Variants in SLC8A1 observed in about 807,000 individuals in gnomAD.
SLC8A1 encodes solute carrier family 8 member A1.
SLC8A1 carries 18 observed loss-of-function variants against 68.3 expected under a neutral mutation model. The observed-to-expected ratio is 0.26, with a 90% CI of 0.18 to 0.39. The LOEUF is 0.39. Among genes scored for constraint, SLC8A1 ranks in the 10% least tolerant of loss-of-function variants. SLC8A1 has a pLI of 1.00. For missense variants in SLC8A1, 985 were observed against 1,156.7 expected (o/e 0.85, Z 2.15); for synonymous variants, 475 against 415.5 (o/e 1.14, Z -1.74).
At chr2:40,142,187 C>G (rs987732697) in intron 6 of SLC8A1, among the ~76,000 whole-genome samples, 5 of 151,840 alleles carry the variant, frequency 3.3e-5, no homozygotes, top group Non-Finnish European at 7.4e-5. Context: ...TTTTTTCTTT[C>G]TTTTACTTTC....
chr2:40,511,742 C>A (rs1312962546), intron 1 of SLC8A1, among the ~76,000 whole-genome samples: 3 of 152,158 alleles, frequency 2.0e-5, no homozygotes, highest in Non-Finnish European at 4.4e-5. Context: ...CCAGGGCTCA[C>A]AGCTGGTTTC....
chr2:40,363,986 A>G (rs1047772253), intron 2 of SLC8A1, among the ~76,000 whole-genome samples: 1 of 152,058 alleles, frequency 6.6e-6, no homozygotes, highest in Non-Finnish European at 1.5e-5. Context: ...AGTAGTCTAA[A>G]AAAAGGGCTA....
chr2:40,222,471 G>C (rs1354680197), intron 2 of SLC8A1, among the ~76,000 whole-genome samples: 1 of 152,160 alleles, frequency 6.6e-6, no homozygotes, highest in Admixed American at 6.5e-5. Context: ...CATGGGCAAA[G>C]ACTTCATGAC....
intron 1 of SLC8A1, among the ~76,000 whole-genome samples, chr2:40,497,294 A>G (rs1705772920): frequency 6.6e-6 from 1 of 152,058 alleles, no homozygotes; most frequent in South Asian, 2.1e-4. Flanking sequence ...TAGCTTTGGT[A>G]TTCAATAAAG....
chr2:40,372,599 C>A (rs180746275), intron 2 of SLC8A1, among the ~76,000 whole-genome samples: 1 of 152,090 alleles, frequency 6.6e-6, no homozygotes, highest in East Asian at 1.9e-4. Context: ...CTTTTTTTCT[C>A]CTTTCTCTAC....
chr2:40,428,141 G>A (rs1303756226), intron 2 of SLC8A1, among the ~76,000 whole-genome samples: 1 of 152,060 alleles, frequency 6.6e-6, no homozygotes, highest in Non-Finnish European at 1.5e-5. Flanking sequence ...ATTCAAAATA[G>A]AAGACCAATT....
chr2:40,254,844 T>C (rs1432784592), intron 2 of SLC8A1: 1 of 152,236 alleles, frequency 6.6e-6, no homozygotes, highest in Non-Finnish European at 1.5e-5. Context: ...ACTGTGCAAT[T>C]GTAATTTTGC....
chr2:40,129,652 T>C (rs2038916693), intron 7 of SLC8A1, among the ~76,000 whole-genome samples: 1 of 152,136 alleles, frequency 6.6e-6, no homozygotes. Flanking sequence ...CGATGCTCAT[T>C]CCCTTTGCAA....
At chr2:40,264,066 A>C (rs1171090646) in intron 2 of SLC8A1, among the ~76,000 whole-genome samples, 2 of 152,250 alleles carry the variant, frequency 1.3e-5, no homozygotes, top group East Asian at 3.9e-4. Flanking sequence ...TCTTGCAAGA[A>C]GACATTTATG....
intron 2 of SLC8A1, among the ~76,000 whole-genome samples, chr2:40,386,527 G>C (rs1442758819): frequency 1.1e-5 from 1 of 87,536 alleles, no homozygotes; most frequent in Non-Finnish European, 3.0e-5. Context: ...TTAACATCAA[G>C]TAAATGAAAA....
chr2:40,178,598 C>T lies in SLC8A1; in HGVS notation c.1809-743G>A, dbSNP rs1014811292. 4.4e-6 allele frequency: 4 copies of T among 918,408 alleles called. No homozygotes were observed. The African/African-American group carries it at 6.7e-5, about 15-fold the overall frequency. The allele number at this position is 918,408 out of a possible 1,614,324, so 56.9% of individuals were successfully genotyped here. On this transcript the variant is annotated intron_variant, in intron 2 of 7. Coordinates refer to ENST00000406785, the Ensembl canonical transcript of SLC8A1. Reference sequence around the variant, plus strand: ...TTAACCAGCTGCACTTTCAGACAAACAGTAATCGAGAAACTTCTGTACTGT... The same window carrying T: ...TTAACCAGCTGCACTTTCAGACAAATAGTAATCGAGAAACTTCTGTACTGT...
intron 2 of SLC8A1, among the ~76,000 whole-genome samples, chr2:40,258,396 T>A (rs1024707841): frequency 1.6e-4 from 24 of 152,208 alleles, no homozygotes; most frequent in Admixed American, 2.6e-4. Flanking sequence ...GACATTCGTA[T>A]TTCCTTCTCA....
chr2:40,468,416 A>C (rs1456720129), intron 1 of SLC8A1, among the ~76,000 whole-genome samples: 1 of 152,136 alleles, frequency 6.6e-6, no homozygotes, highest in African/African-American at 2.4e-5. Context: ...TTTAATTATG[A>C]AGACTTTTTA....
intron 2 of SLC8A1, among the ~76,000 whole-genome samples, chr2:40,298,401 T>A (rs534669963): frequency 1.3e-5 from 2 of 152,310 alleles, no homozygotes; most frequent in Admixed American, 1.3e-4. Context: ...TATACTTTGT[T>A]TTCAACAGAT....
At chr2:40,097,851 G>A (rs944811889) in exon 8 of SLC8A1, 1 of 151,940 alleles carries the variant, frequency 6.6e-6, no homozygotes, top group African/African-American at 2.4e-5. Flanking sequence ...CTGAGAGTTG[G>A]TTGTACATAA....
At chr2:40,423,705 G>T (rs1380623111) in intron 2 of SLC8A1, among the ~76,000 whole-genome samples, 1 of 151,896 alleles carries the variant, frequency 6.6e-6, no homozygotes, top group Admixed American at 6.6e-5. Context: ...AGCAAATATG[G>T]CAATCTGGTT....
At chr2:40,427,804 G>T (rs1697273582) in intron 2 of SLC8A1, among the ~76,000 whole-genome samples, 2 of 152,096 alleles carry the variant, frequency 1.3e-5, no homozygotes, top group South Asian at 4.1e-4. Context: ...TGGGGTACAG[G>T]GTTTGTTTAA....
exon 8 of SLC8A1, chr2:40,108,876 T>C (rs2034388335): frequency 6.6e-6 from 1 of 152,178 alleles, no homozygotes; most frequent in Non-Finnish European, 1.5e-5. Flanking sequence ...TCTCTTGTTT[T>C]ACTATGTGGC....
intron 6 of SLC8A1, among the ~76,000 whole-genome samples, chr2:40,155,598 G>T (rs1323848859): frequency 2.0e-5 from 3 of 152,144 alleles, no homozygotes; most frequent in Non-Finnish European, 4.4e-5. Context: ...CTCATTTGAG[G>T]TACCATTTTT....
Sources: allele counts gnomAD v4.1 joint callset (sites outside exome capture counted in the v4.1 genomes callset), GRCh38; gene constraint gnomAD v4.1.1; transcripts MANE v1.5; gene names NCBI Gene and HGNC (gene_info 2026-07-23, HGNC 2026-07-21).